The following TENM4 variants were observed in gnomAD, a reference collection of about 807,000 sequenced individuals.
TENM4 encodes teneurin transmembrane protein 4, also known as teneurin-4.
Under a neutral mutation model 243.3 loss-of-function variants are expected in TENM4, and 82 were observed. The observed-to-expected ratio is 0.34, with a 90% CI of 0.28 to 0.40. The LOEUF (loss-of-function observed/expected upper bound fraction) is 0.40, where lower values mean the gene tolerates loss of function less well. TENM4 is among the 10% of genes least tolerant of loss of function. TENM4 has a pLI of 1.00. For missense variants in TENM4, 3,138 were observed against 3,673.3 expected, an observed-to-expected ratio of 0.85 and a Z score of 3.77; for synonymous variants, 1,412 against 1,456.3, an observed-to-expected ratio of 0.97 and a Z score of 0.69.
chr11:79,203,579 G>A (rs923051833), intron 3 of TENM4, among the ~76,000 whole-genome samples: 1 of 152,186 alleles, frequency 6.6e-6, no homozygotes, highest in African/African-American at 2.4e-5. Flanking sequence ...TCAGAGATTA[G>A]CAATAATAAA....
intron 9 of TENM4, among the ~76,000 whole-genome samples, chr11:78,869,879 TTTG>T (rs1251902467): frequency 6.6e-6 from 1 of 152,128 alleles, no homozygotes; most frequent in Non-Finnish European, 1.5e-5. Flanking sequence ...TTTGAGATAG[TTTG>T]TTAAGAGGCT....
At chr11:78,978,375 GAAAA>G (rs1190529683) in intron 6 of TENM4, among the ~76,000 whole-genome samples, 3 of 151,616 alleles carry the variant, frequency 2.0e-5, no homozygotes, top group Non-Finnish European at 2.9e-5. Context: ...GAAAAGAAAA[GAAAA>G]GAAAAGAAAA....
At chr11:78,930,258 G>T (rs1856638799) in intron 6 of TENM4, among the ~76,000 whole-genome samples, 1 of 152,138 alleles carries the variant, frequency 6.6e-6, no homozygotes, top group African/African-American at 2.4e-5. Context: ...AAATGTGAAT[G>T]ACTTAGAAAG....
chr11:79,328,324 T>G (rs1490764008), intron 1 of TENM4, among the ~76,000 whole-genome samples: 2 of 152,120 alleles, frequency 1.3e-5, no homozygotes, highest in Non-Finnish European at 2.9e-5. Context: ...CAACCCATGT[T>G]TTTGGGTCTC....
At chr11:79,345,077 C>T (rs1455701539) in intron 1 of TENM4, among the ~76,000 whole-genome samples, 1 of 152,162 alleles carries the variant, frequency 6.6e-6, no homozygotes, top group Non-Finnish European at 1.5e-5. Flanking sequence ...AGCTCACTTG[C>T]AATGCATCAG....
chr11:79,117,450 C>A (rs1336397038), intron 4 of TENM4, among the ~76,000 whole-genome samples: 3 of 152,174 alleles, frequency 2.0e-5, no homozygotes, highest in Admixed American at 2.0e-4. Context: ...AGAGCCTTGC[C>A]TAATAGTAGC....
intron 6 of TENM4, among the ~76,000 whole-genome samples, chr11:78,962,836 G>T (rs1857359029): frequency 6.6e-6 from 1 of 152,262 alleles, no homozygotes; most frequent in South Asian, 2.1e-4. Context: ...CGACCTGCCT[G>T]GAACAGGCCC....
chr11:79,290,897 C>T (rs1856344506), intron 2 of TENM4, among the ~76,000 whole-genome samples: 1 of 152,194 alleles, frequency 6.6e-6, no homozygotes, highest in Admixed American at 6.5e-5. Flanking sequence ...AAAGCTGGCA[C>T]ATCCTGCTCA....
At chr11:79,299,791 G>A (rs1276841147) in intron 1 of TENM4, among the ~76,000 whole-genome samples, 1 of 152,194 alleles carries the variant, frequency 6.6e-6, no homozygotes, top group Non-Finnish European at 1.5e-5. Context: ...ACTAATCGAA[G>A]CTGTTGTCTA....
At chr11:78,856,612 C>A (rs1233084291) in intron 10 of TENM4, among the ~76,000 whole-genome samples, 1 of 152,040 alleles carries the variant, frequency 6.6e-6, no homozygotes, top group Non-Finnish European at 1.5e-5. Flanking sequence ...CAGAATGAGT[C>A]CCCCAGCAGT....
intron 15 of TENM4, among the ~76,000 whole-genome samples, chr11:78,793,683 G>A (rs1296491255): frequency 6.6e-6 from 1 of 152,238 alleles, no homozygotes; most frequent in Non-Finnish European, 1.5e-5. Context: ...AACTGCAACT[G>A]TTGTTGTTGG....
intron 1 of TENM4, among the ~76,000 whole-genome samples, chr11:79,304,793 C>T (rs1039587178): frequency 1.3e-5 from 2 of 152,176 alleles, no homozygotes; most frequent in African/African-American, 2.4e-5. Flanking sequence ...CAGCTGCCTC[C>T]GCTGCAGGTG....
intron 6 of TENM4, among the ~76,000 whole-genome samples, chr11:78,913,554 C>T (rs1278474038): frequency 6.6e-6 from 1 of 151,080 alleles, no homozygotes; most frequent in Non-Finnish European, 1.5e-5. Flanking sequence ...CCCAAATCAA[C>T]AAGGAACCAT....
chr11:78,853,081 T>G (rs1858581287), intron 12 of TENM4, among the ~76,000 whole-genome samples: 1 of 152,110 alleles, frequency 6.6e-6, no homozygotes, highest in African/African-American at 2.4e-5. Context: ...TCAAACTCCA[T>G]TTTTCCATGT....
Position 78,672,135 on chromosome 11 carries a change from C to T in TENM4, c.5691G>A (p.Gln1897=). The change falls in exon 31 of 34, where the codon CAG becomes CAA. Residue 1897 remains glutamine, a synonymous_variant. Transcript: ENST00000278550. ...CCATTCTTTCAGACATGATGCCCCTCTGGATGCCAGCAATGTAACCCCCAG... is the reference window on the plus strand; with the variant it reads ...CCATTCTTTCAGACATGATGCCCCTTTGGATGCCAGCAATGTAACCCCCAG... The part of the protein sequence containing the change: ...YSPGGYIAGI[Q]RGIMSERMEY... 1 of 1,613,868 alleles carries T rather than the reference C, an allele frequency of 6.2e-7. No individual in the cohort carries two copies. Among genetic ancestry groups the T allele is most frequent in the South Asian group, 1.1e-5 (1 of 91,076 alleles).
rs1857836581 is a variant in TENM4 at position 78,654,254 on chromosome 11, A to G, written c.*3804T>C. ...CTGGAGAATAGCCTGGACTTTGAGC[A>G]GTGGATGCTCAAATCCCCAAGCCTG... On this transcript the variant is annotated 3_prime_UTR_variant, in exon 34 of 34. Coordinates refer to ENST00000278550, the MANE Select transcript of TENM4 (RefSeq NM_001098816.3). 1 of 152,168 alleles carries G rather than the reference A, an allele frequency of 6.6e-6. No individual in the cohort carries two copies. Among genetic ancestry groups the G allele is most frequent in the Non-Finnish European group, 1.5e-5 (1 of 68,034 alleles). 9.4% of individuals were successfully genotyped at this position (152,168 alleles called of 1,614,324 possible).
At chr11:79,141,087 A>T (rs1862277229) in intron 4 of TENM4, among the ~76,000 whole-genome samples, 2 of 152,112 alleles carry the variant, frequency 1.3e-5, no homozygotes, top group South Asian at 4.1e-4. Flanking sequence ...ACACAGAATC[A>T]TCAGCAGCAG....
chr11:79,404,771 T>C (rs1383201888), intron 1 of TENM4, among the ~76,000 whole-genome samples: 7 of 152,074 alleles, frequency 4.6e-5, no homozygotes, highest in Admixed American at 4.6e-4. Flanking sequence ...GAGTTAGTTA[T>C]GAAATCCCAA....
At chr11:79,098,302 G>T (rs1247357839) in intron 4 of TENM4, among the ~76,000 whole-genome samples, 1 of 150,818 alleles carries the variant, frequency 6.6e-6, no homozygotes, top group African/African-American at 2.4e-5. Context: ...ATCTCTCCTG[G>T]CTTCCCTTCT....
Sources: allele counts gnomAD v4.1 joint callset (sites outside exome capture counted in the v4.1 genomes callset), GRCh38; gene constraint gnomAD v4.1.1; transcripts MANE v1.5; gene names NCBI Gene and HGNC (gene_info 2026-07-23, HGNC 2026-07-21).